The following HERC6 variants were observed in gnomAD, a reference collection of about 807,000 sequenced individuals.
The protein encoded by HERC6 is HECT and RLD domain containing E3 ubiquitin protein ligase family member 6, also known as probable E3 ubiquitin-protein ligase HERC6.
Under a neutral mutation model 114.5 loss-of-function variants are expected in HERC6, and 101 were observed. The observed-to-expected ratio is 0.88, with a 90% CI of 0.75 to 1.04. The LOEUF is 1.04. HERC6 is among the 50% of genes least tolerant of loss of function. The pLI, the probability that HERC6 is intolerant of heterozygous loss-of-function variation, is 0.00. For missense variants in HERC6, 1,133 were observed against 1,230.9 expected (o/e 0.92, Z 1.19); for synonymous variants, 408 against 436.2 (o/e 0.94, Z 0.81).
intron 11 of HERC6, among the ~76,000 whole-genome samples, chr4:88,412,669 T>C (rs1461738919): frequency 2.0e-5 from 3 of 152,150 alleles, no homozygotes; most frequent in African/African-American, 7.2e-5. Context: ...TTTCTACTGA[T>C]ACATGAGAAA....
In HERC6 at chr4:88,404,945, G is replaced by C; in HGVS notation, c.1162G>C (p.Glu388Gln). The change falls in exon 9 of 23, where the codon GAA becomes CAA. Residue 388 changes from glutamate to glutamine, a missense_variant. Glu to Gln is a conservative substitution (Grantham distance 29). Transcript: ENST00000264346. ...EISRISQSMA[E>Q]KWIAVKRRST... ...AAGCCGAATTAGCCAGTCCATGGCAGAAAAATGGATAGCAGTGAAAAGAAG... is the reference window on the plus strand; with the variant it reads ...AAGCCGAATTAGCCAGTCCATGGCACAAAAATGGATAGCAGTGAAAAGAAG... The C allele has an allele frequency of 6.2e-7, 1 of 1,613,800 alleles. No individual in the cohort carries two copies. The highest frequency in any genetic ancestry group is 2.2e-5 in the East Asian group (1 of 44,872).
At chr4:88,431,348 C>T in intron 17 of HERC6, 43 bp downstream of exon 17, 3 of 1,564,208 alleles carry the variant, frequency 1.9e-6, no homozygotes, top group Non-Finnish European at 2.6e-6. Context: ...ACAGAAAAGG[C>T]ACCCCATATA....
chr4:88,384,975 A>T (rs1371274240), intron 2 of HERC6, among the ~76,000 whole-genome samples: 3 of 152,058 alleles, frequency 2.0e-5, no homozygotes, highest in Admixed American at 6.6e-5. Flanking sequence ...GTGAGCCAAG[A>T]TCGCACCACT....
Position 88,436,966 on chromosome 4 carries a change from T to G in HERC6, c.2479T>G (p.Phe827Val). ...DDIGDALCIR[F>V]SIHWDQNDVD... ...CATTGGAGATGCGCTCTGCATACGC[T>G]TTTCTGTGAGTACTAATGAAAGCCA... Residue 827 changes from phenylalanine (F) to valine (V), a missense_variant, in exon 19 of 23, where the codon TTT (phenylalanine) becomes GTT (valine). By Grantham distance (50) the Phe-to-Val change is conservative (BLOSUM62 -1). This residue lies in a region of HERC6 where 388 missense variants were observed against 445.9 expected (regional missense o/e 0.87). Coordinates refer to ENST00000264346, the MANE Select transcript of HERC6 (RefSeq NM_017912.4). 6.3e-7 allele frequency: 1 copy of G among 1,597,520 alleles called. No individual in the cohort carries two copies. Among genetic ancestry groups the G allele is most frequent in the South Asian group, 1.1e-5 (1 of 87,348 alleles).
chr4:88,383,102 T>C (rs1734399758), intron 1 of HERC6, 119 bp from the exon 2 acceptor site: 4 of 1,274,382 alleles, frequency 3.1e-6, no homozygotes, highest in Non-Finnish European at 4.3e-6. Context: ...CAAAAGACCA[T>C]TGGAGGAGAC....
chr4:88,391,757 C>A (rs1734928888), intron 4 of HERC6, among the ~76,000 whole-genome samples: 1 of 152,176 alleles, frequency 6.6e-6, no homozygotes, highest in Non-Finnish European at 1.5e-5. Context: ...TTCCTCTGAA[C>A]ACAAAACTCG....
In HERC6 at chr4:88,407,616, C is replaced by T. The variant is rs1735877093; in HGVS notation, c.1275-908C>T. Among the ~76,000 whole-genome samples the T allele has an allele frequency of 2.0e-5, 3 of 151,790 alleles. No individual in the cohort carries two copies. In the South Asian group the frequency reaches 6.3e-4, roughly 32 times the overall value. ...AGAGACAAGGTCTTCTCTATGTTGCCCAGGCTAGTCTCTTGAACTCCTGGC... is the reference window on the plus strand; with the variant it reads ...AGAGACAAGGTCTTCTCTATGTTGCTCAGGCTAGTCTCTTGAACTCCTGGC... On this transcript the variant is annotated intron_variant, in intron 10 of 22. Coordinates refer to ENST00000264346, the MANE Select transcript of HERC6 (RefSeq NM_017912.4).
intron 13 of HERC6, 36 bp from the exon 14 acceptor site, chr4:88,423,824 T>C (rs754942737): frequency 4.3e-6 from 4 of 935,914 alleles, no homozygotes; most frequent in Non-Finnish European, 4.8e-6. Context: ...CACTTATTGA[T>C]AGAAAATGAA....
In HERC6 at chr4:88,432,298, C is replaced by T. The variant is rs187716600; in HGVS notation, c.2250+993C>T. ...ATCTCACTGTGTTTATGCAAATGTTCCAAGTCTGAAAAACTCTGAGATCTG... is the reference window on the plus strand; with the variant it reads ...ATCTCACTGTGTTTATGCAAATGTTTCAAGTCTGAAAAACTCTGAGATCTG... On this transcript the variant is annotated intron_variant, in intron 17 of 22. Transcript: ENST00000264346. Among the ~76,000 whole-genome samples, 662 of 151,902 alleles carry T rather than the reference C, an allele frequency of 4.4e-3. 3 individuals are homozygous for T. The highest frequency in any genetic ancestry group is 0.015 in the African/African-American group (622 of 41,410).
chr4:88,394,928 T>C (rs1438278930), intron 5 of HERC6, among the ~76,000 whole-genome samples: 1 of 152,226 alleles, frequency 6.6e-6, no homozygotes, highest in Non-Finnish European at 1.5e-5. Flanking sequence ...CAGTTTTCAA[T>C]AATCCACTTT....
In HERC6 at chr4:88,423,952, G is replaced by A. The variant is rs1286762878; in HGVS notation, c.1806G>A (p.Gln602=). 6.0e-6 allele frequency: 9 copies of A among 1,511,152 alleles called. No individual in the cohort carries two copies. The highest frequency in any genetic ancestry group is 4.8e-5 in the East Asian group (2 of 42,084). The allele number at this position is 1,511,152 out of a possible 1,614,324, so 93.6% of individuals were successfully genotyped here. Residue 602 remains glutamine, a synonymous_variant, in exon 14 of 23, where the codon CAG becomes CAA. Coordinates refer to ENST00000264346, the MANE Select transcript of HERC6 (RefSeq NM_017912.4). ...ACTTTTATATAGATAGAGGAAGACA[G>A]CTCTTTCGGGATAACCACCTGGTAA... ...LLNFYIDRGR[Q]LFRDNHLIPA... is the part of the protein sequence containing the mutation.
rs1219777551 is a variant in HERC6 at position 88,417,514 on chromosome 4, A to G, written c.1648A>G (p.Thr550Ala). ...CATCATCTCTCAGCTGCTTCATCAG[A>G]CTAAAACCGAACAGGATCACTGTAA... ...AAIISQLLHQ[T>A]KTEQDHCNVK... The change falls in exon 13 of 23, where the codon ACT becomes GCT. Residue 550 changes from threonine (T) to alanine (A), a missense_variant. Transcript: ENST00000264346. The G allele has an allele frequency of 1.2e-6, 2 of 1,612,618 alleles. No individual in the cohort carries two copies.
rs773137234 is a variant in HERC6, at chr4:88,431,323, T to C, written c.2250+18T>C. 10 of 1,582,098 alleles carry C rather than the reference T, an allele frequency of 6.3e-6. No individual in the cohort carries two copies. The East Asian group carries it at 1.3e-4, about 21-fold the overall frequency. ...CTGCCAAGGTAAGTCTTTTCTTTTT[T>C]TTTTTTCCCCCAGAACAGAAAAGGC... On this transcript the variant is annotated intron_variant, in intron 17 of 22. Coordinates refer to ENST00000264346, the MANE Select transcript of HERC6 (RefSeq NM_017912.4).
intron 22 of HERC6, chr4:88,440,463 A>G (rs1560581250): frequency 4.2e-6 from 2 of 477,960 alleles, no homozygotes; most frequent in African/African-American, 2.0e-5. Context: ...GCTCTCTGCT[A>G]CAGAGAGGGG....
chr4:88,386,706 G>C (rs549827712), intron 3 of HERC6, among the ~76,000 whole-genome samples: 1 of 152,150 alleles, frequency 6.6e-6, no homozygotes, highest in Non-Finnish European at 1.5e-5. Flanking sequence ...AGTAAGATTC[G>C]TTTCTGCAGA....
At chr4:88,414,750 T>G (rs1347267834) in intron 12 of HERC6, among the ~76,000 whole-genome samples, 2 of 152,170 alleles carry the variant, frequency 1.3e-5, no homozygotes, top group Non-Finnish European at 2.9e-5. Flanking sequence ...TCACTCTCAT[T>G]GCCATCTTGG....
intron 11 of HERC6, among the ~76,000 whole-genome samples, chr4:88,409,124 T>C (rs1466154303): frequency 2.6e-5 from 4 of 152,156 alleles, no homozygotes; most frequent in South Asian, 2.1e-4. Flanking sequence ...GCAAGAGTAA[T>C]TGGGGAAGTT....
rs549050883 is a variant in HERC6 at position 88,406,303 on chromosome 4, G to C, written c.1274+690G>C. Among the ~76,000 whole-genome samples the C allele has an allele frequency of 1.4e-3, 217 of 152,322 alleles. 1 individual carries two copies. Among genetic ancestry groups the C allele is most frequent in the African/African-American group, 5.0e-3 (207 of 41,574 alleles). The stretch of plus-strand genomic sequence containing the variant: ...CCTGTCCCTCCCTTGTTAACTTGGT[G>C]TTAAGTTTGCTCACTGGTTCAAAAT... On this transcript the variant is annotated intron_variant, in intron 10 of 22. Coordinates refer to ENST00000264346, the MANE Select transcript of HERC6 (RefSeq NM_017912.4).
At chr4:88,404,834 T>A in intron 8 of HERC6, 42 bp from the exon 9 acceptor site, 1 of 1,603,518 alleles carries the variant, frequency 6.2e-7, no homozygotes, top group Non-Finnish European at 8.5e-7. Flanking sequence ...CTACTGAACG[T>A]GTGTGTGTTC....
Sources: allele counts gnomAD v4.1 joint callset (sites outside exome capture counted in the v4.1 genomes callset), GRCh38; gene constraint gnomAD v4.1.1; regional missense constraint gnomAD v4.1.1; transcripts MANE v1.5; gene names NCBI Gene and HGNC (gene_info 2026-07-23, HGNC 2026-07-21).